The following LRRC20 variants were observed in gnomAD, a reference collection of about 807,000 sequenced individuals.
LRRC20 encodes the protein leucine rich repeat containing 20, also known as leucine-rich repeat-containing protein 20.
Under a neutral mutation model 14.4 loss-of-function variants are expected in LRRC20, and 11 were observed. That is an observed-to-expected ratio of 0.77 (90% CI 0.48 to 1.27). The LOEUF is 1.27. Among genes scored for constraint, LRRC20 ranks in the 50% most tolerant of loss-of-function variants. The pLI, the probability that LRRC20 is intolerant of heterozygous loss-of-function variation, is 0.00. For synonymous variants in LRRC20, 121 were observed against 107.3 expected (o/e 1.13, Z -0.79); for missense variants, 219 against 251.2 (o/e 0.87, Z 0.87).
At chr10:70,325,964 CATAAAG>C (rs1480193022) in intron 3 of LRRC20, among the ~76,000 whole-genome samples, 1 of 152,150 alleles carries the variant, frequency 6.6e-6, no homozygotes, top group African/African-American at 2.4e-5. Context: ...CATTCCACAA[CATAAAG>C]ATAAATGGTA....
At chr10:70,365,348 G>A (rs1447599673) in intron 2 of LRRC20, among the ~76,000 whole-genome samples, 1 of 152,120 alleles carries the variant, frequency 6.6e-6, no homozygotes, top group Non-Finnish European at 1.5e-5. Flanking sequence ...GCGAGCCACC[G>A]CGCCCGGCGA....
chr10:70,367,194 G>A (rs761141743), intron 2 of LRRC20, among the ~76,000 whole-genome samples: 98 of 151,878 alleles, frequency 6.5e-4, no homozygotes, highest in Admixed American at 1.1e-3. Flanking sequence ...GTACAGTGGT[G>A]CACACATGTA....
At chr10:70,329,476 C>T (rs1842451406) in intron 3 of LRRC20, among the ~76,000 whole-genome samples, 1 of 151,934 alleles carries the variant, frequency 6.6e-6, no homozygotes, top group Non-Finnish European at 1.5e-5. Flanking sequence ...AGGTAGTTTC[C>T]CTGTATTTCT....
chr10:70,381,593 G>A (rs1342589772), intron 1 of LRRC20: 1 of 152,292 alleles, frequency 6.6e-6, no homozygotes, highest in Non-Finnish European at 1.5e-5. Context: ...GTTGTCAGTT[G>A]GGAACGTTAG....
chr10:70,323,261 A>C (rs1196511345), intron 4 of LRRC20, among the ~76,000 whole-genome samples: 1 of 152,088 alleles, frequency 6.6e-6, no homozygotes, highest in East Asian at 1.9e-4. Flanking sequence ...GACAGGAGAC[A>C]CATAATCGCT....
intron 2 of LRRC20, among the ~76,000 whole-genome samples, chr10:70,374,260 C>G (rs1414501212): frequency 6.6e-6 from 1 of 152,114 alleles, no homozygotes; most frequent in African/African-American, 2.4e-5. Flanking sequence ...CCCAACGCCC[C>G]GGTGAGAATT....
intron 3 of LRRC20, among the ~76,000 whole-genome samples, chr10:70,336,072 C>T (rs148262603): frequency 2.6e-5 from 4 of 152,304 alleles, no homozygotes; most frequent in Non-Finnish European, 4.4e-5. Context: ...GTCCAGTTCT[C>T]AGTTTTCTTA....
intron 3 of LRRC20, among the ~76,000 whole-genome samples, chr10:70,328,271 A>G (rs1842399044): frequency 7.3e-6 from 1 of 136,924 alleles, no homozygotes; most frequent in Admixed American, 7.5e-5. Flanking sequence ...AACTGAATGT[A>G]AAAAGGGTAA....
At chr10:70,382,292 G>A (rs1386387109) in intron 1 of LRRC20, among the ~76,000 whole-genome samples, 1 of 152,216 alleles carries the variant, frequency 6.6e-6, no homozygotes, top group Non-Finnish European at 1.5e-5. Context: ...CCACTCCCCT[G>A]AACCATCGGG....
At chr10:70,338,551 G>A (rs1842794191) in intron 3 of LRRC20, among the ~76,000 whole-genome samples, 1 of 152,212 alleles carries the variant, frequency 6.6e-6, no homozygotes, top group South Asian at 2.1e-4. Context: ...CATTTGGGTT[G>A]TTTCCACTTT....
intron 2 of LRRC20, among the ~76,000 whole-genome samples, chr10:70,341,295 T>A (rs1195629602): frequency 6.6e-6 from 1 of 152,182 alleles, no homozygotes. Context: ...CTTAGGTATA[T>A]ACCCAAGAGA....
intron 2 of LRRC20, among the ~76,000 whole-genome samples, chr10:70,373,642 C>T (rs1435523656): frequency 6.6e-6 from 1 of 152,214 alleles, no homozygotes; most frequent in African/African-American, 2.4e-5. Flanking sequence ...CTTTAAGACC[C>T]AGTCCCCTCC....
chr10:70,327,497 C>T lies in LRRC20; in HGVS notation c.233-3467G>A, dbSNP rs541964581. 2.0e-5 allele frequency among the ~76,000 whole-genome samples: 3 copies of T among 151,304 alleles called. No homozygotes were observed. In the East Asian group the frequency reaches 5.8e-4, roughly 29 times the overall value. On this transcript the variant is annotated intron_variant, in intron 3 of 4. Transcript: ENST00000446961. ...GGCTGAGGCACAAGAATCCGAGGCA[C>T]GAGAATCCCAGGAGGCAGAGGTTGC...
intron 2 of LRRC20, among the ~76,000 whole-genome samples, chr10:70,367,319 A>T (rs1844046113): frequency 9.6e-6 from 1 of 104,014 alleles, no homozygotes. Context: ...AAAGAGTGAG[A>T]CCCGGTCTCA....
intron 2 of LRRC20, among the ~76,000 whole-genome samples, chr10:70,367,673 T>A (rs76322298): frequency 0.053 from 8,115 of 152,054 alleles, 411 homozygotes; most frequent in African/African-American, 0.13. Flanking sequence ...GGAAAAGAGA[T>A]CAGTGACTCC....
At chr10:70,336,000 G>A (rs143192784) in intron 3 of LRRC20, among the ~76,000 whole-genome samples, 6 of 152,300 alleles carry the variant, frequency 3.9e-5, no homozygotes, top group African/African-American at 1.2e-4. Flanking sequence ...ATGACATGGT[G>A]TCTGCTCATA....
intron 3 of LRRC20, among the ~76,000 whole-genome samples, chr10:70,336,936 C>T (rs1842740732): frequency 6.6e-6 from 1 of 152,226 alleles, no homozygotes; most frequent in Non-Finnish European, 1.5e-5. Flanking sequence ...CATGGGGACC[C>T]ACTCTCTGCA....
In LRRC20 at chr10:70,340,794, C is replaced by G. The variant is rs142533849; in HGVS notation, c.83-92G>C. On this transcript the variant is annotated intron_variant, in intron 2 of 4. Coordinates refer to ENST00000446961, the MANE Select transcript of LRRC20 (RefSeq NM_001278212.2). Reference sequence around the variant, plus strand: ...TCACACAGACCCCACCTCCATGCCCCCTTCCAGCCTCCTTGCCCTCCCACC... The same window carrying G: ...TCACACAGACCCCACCTCCATGCCCGCTTCCAGCCTCCTTGCCCTCCCACC... 3.1e-4 allele frequency: 422 copies of G among 1,364,914 alleles called. 3 individuals carry two copies. The East Asian group carries it at 9.3e-3, about 30-fold the overall frequency. The allele number at this position is 1,364,914 out of a possible 1,614,324, so 84.6% of individuals were successfully genotyped here.
At chr10:70,329,376 C>T (rs1332593396) in intron 3 of LRRC20, among the ~76,000 whole-genome samples, 3 of 152,182 alleles carry the variant, frequency 2.0e-5, no homozygotes, top group Non-Finnish European at 4.4e-5. Context: ...GAGTGGACAT[C>T]CTTGCCTTGT....
Sources: allele counts gnomAD v4.1 joint callset (sites outside exome capture counted in the v4.1 genomes callset), GRCh38; gene constraint gnomAD v4.1.1; transcripts MANE v1.5; gene names NCBI Gene and HGNC (gene_info 2026-07-23, HGNC 2026-07-21).